GADL1: variants seen among roughly 807,000 people sequenced by gnomAD.
GADL1 encodes GAD like acidic amino acid decarboxylase 1.
A neutral mutation model predicts 69.5 loss-of-function variants in GADL1; 71 were observed. That is an observed-to-expected ratio of 1.02 (90% CI 0.84 to 1.25). The LOEUF (loss-of-function observed/expected upper bound fraction) is 1.25. GADL1 is among the 50% of genes most tolerant of loss of function. GADL1 has a pLI of 0.00. For missense variants in GADL1, 737 were observed against 631.8 expected (o/e 1.17, Z -1.79); for synonymous variants, 254 against 214.4 (o/e 1.18, Z -1.62).
chr3:30,886,490 C>T (rs1181691427), intron 1 of GADL1, among the ~76,000 whole-genome samples: 1 of 152,056 alleles, frequency 6.6e-6, no homozygotes, highest in East Asian at 1.9e-4. Context: ...CAAACTTGGG[C>T]TGGTGAGAAG....
Position 30,839,116 on chromosome 3 carries a change from G to A in GADL1, c.787-3C>T. The A allele has an allele frequency of 6.5e-7, 1 of 1,543,884 alleles. No homozygotes were observed. The highest frequency in any genetic ancestry group is 8.7e-7 in the Non-Finnish European group (1 of 1,144,006). Reference sequence around the variant, plus strand: ...CAGACAAGAAACGGTGCTGCCCCCTGTAAGAAGGATCCACACACACAAAAT... The same window carrying A: ...CAGACAAGAAACGGTGCTGCCCCCTATAAGAAGGATCCACACACACAAAAT... On this transcript the variant is annotated splice_polypyrimidine_tract_variant and splice_region_variant and intron_variant, in intron 8 of 14. Coordinates refer to ENST00000282538, the MANE Select transcript of GADL1 (RefSeq NM_207359.3).
At chr3:30,774,341 G>A (rs918118722) in intron 14 of GADL1, among the ~76,000 whole-genome samples, 2 of 152,066 alleles carry the variant, frequency 1.3e-5, no homozygotes, top group Non-Finnish European at 2.9e-5. Flanking sequence ...TTATTCAAGC[G>A]CAGAACCTAA....
At position 30,818,564 on chromosome 3, in the gene GADL1, TGAG is replaced by T. The variant is rs1382718645; in HGVS notation, c.1050+15286_1050+15288del. ...TTATTGTGAATTTCTCAAATGCTGC[TGAG>T]AAGAGTTGCCAGTTAAAATACAAAA... On this transcript the variant is annotated intron_variant, in intron 11 of 14. Transcript: ENST00000282538. Among the ~76,000 whole-genome samples, 7 of 152,178 alleles carry T rather than the reference TGAG, an allele frequency of 4.6e-5. No homozygotes were observed. The South Asian group carries it at 1.2e-3, about 27-fold the overall frequency.
At chr3:30,760,595 C>T (rs1039374381) in intron 14 of GADL1, among the ~76,000 whole-genome samples, 2 of 152,162 alleles carry the variant, frequency 1.3e-5, no homozygotes, top group Non-Finnish European at 2.9e-5. Flanking sequence ...CTGTTATCTT[C>T]CTCTCACCAT....
At chr3:30,823,726 T>C (rs1056761508) in intron 11 of GADL1, among the ~76,000 whole-genome samples, 2 of 151,964 alleles carry the variant, frequency 1.3e-5, no homozygotes, top group Non-Finnish European at 1.5e-5. Context: ...ACAGAAGAGA[T>C]GGTAAATCTA....
intron 11 of GADL1, among the ~76,000 whole-genome samples, chr3:30,830,881 G>A (rs1273326309): frequency 6.6e-6 from 1 of 151,860 alleles, no homozygotes; most frequent in African/African-American, 2.4e-5. Context: ...CTTCCTAAAT[G>A]GAATCATTCG....
Position 30,804,094 on chromosome 3 carries a change from T to C in GADL1, c.1051-3006A>G, listed in dbSNP as rs373662016. 1.1e-4 allele frequency among the ~76,000 whole-genome samples: 16 copies of C among 152,166 alleles called. No individual in the cohort carries two copies. The East Asian group carries it at 1.7e-3, about 16-fold the overall frequency. On this transcript the variant is annotated intron_variant, in intron 11 of 14. Transcript: ENST00000282538. ...GTATTAGGACTTGTACAGTGGCAAA[T>C]GAGGTTTAAGCAAAAGGAGGGAGTA...
At chr3:30,772,330 G>A (rs1208361172) in intron 14 of GADL1, among the ~76,000 whole-genome samples, 8 of 152,090 alleles carry the variant, frequency 5.3e-5, no homozygotes, top group African/African-American at 1.2e-4. Flanking sequence ...TTTTAAGAAC[G>A]TAAATTGTGT....
At chr3:30,814,081 T>A (rs567645699) in intron 11 of GADL1, among the ~76,000 whole-genome samples, 12 of 149,180 alleles carry the variant, frequency 8.0e-5, no homozygotes, top group Non-Finnish European at 1.5e-4. Context: ...AACAATGCAC[T>A]GCACACGTTT....
At chr3:30,734,413 G>C (rs981804864) in intron 14 of GADL1, among the ~76,000 whole-genome samples, 1 of 152,068 alleles carries the variant, frequency 6.6e-6, no homozygotes, top group African/African-American at 2.4e-5. Flanking sequence ...AATATGAACT[G>C]GATTTTCCTT....
chr3:30,865,378 C>T (rs1279225503), intron 1 of GADL1, among the ~76,000 whole-genome samples: 1 of 151,824 alleles, frequency 6.6e-6, no homozygotes, highest in Non-Finnish European at 1.5e-5. Flanking sequence ...CTGTCGGTTT[C>T]ACTGTTATTT....
intron 11 of GADL1, among the ~76,000 whole-genome samples, chr3:30,814,586 C>T (rs1697425509): frequency 6.6e-6 from 1 of 152,018 alleles, no homozygotes; most frequent in Non-Finnish European, 1.5e-5. Flanking sequence ...AGGTGACAGG[C>T]CAGGTTTAAC....
At chr3:30,857,701 G>A (rs1276505903) in intron 2 of GADL1, among the ~76,000 whole-genome samples, 1 of 151,894 alleles carries the variant, frequency 6.6e-6, no homozygotes, top group Non-Finnish European at 1.5e-5. Flanking sequence ...ATGGCTCCCT[G>A]TTTCTTTCAA....
chr3:30,858,630 G>T (rs754006951), intron 2 of GADL1, among the ~76,000 whole-genome samples: 1 of 151,944 alleles, frequency 6.6e-6, no homozygotes, highest in Non-Finnish European at 1.5e-5. Context: ...GCAGGAGAAG[G>T]ATCTGGTTGG....
chr3:30,761,397 C>T (rs979947527), intron 14 of GADL1, among the ~76,000 whole-genome samples: 1 of 151,994 alleles, frequency 6.6e-6, no homozygotes, highest in Non-Finnish European at 1.5e-5. Flanking sequence ...AACAAGTAGC[C>T]AAGTCTTCTT....
chr3:30,839,197 G>A, intron 8 of GADL1, 84 bp from the exon 9 acceptor site: 11 of 835,036 alleles, frequency 1.3e-5, no homozygotes, highest in Admixed American at 2.9e-5. Context: ...AAAGGGTTAT[G>A]CATCCAGAGA....
chr3:30,871,042 A>AGTGT (rs4016178), intron 1 of GADL1, among the ~76,000 whole-genome samples: 4,216 of 141,418 alleles, frequency 0.03, 106 homozygotes, highest in African/African-American at 0.057. Flanking sequence ...AAGGCAGAAA[A>AGTGT]GTGTGTGTGT....
intron 13 of GADL1, among the ~76,000 whole-genome samples, chr3:30,784,780 A>G (rs541927667): frequency 1.4e-4 from 22 of 152,318 alleles, no homozygotes; most frequent in Admixed American, 1.2e-3. Flanking sequence ...TTCTTAAAAC[A>G]TCTCCAGTGA....
intron 14 of GADL1, among the ~76,000 whole-genome samples, chr3:30,751,842 A>T (rs1695828004): frequency 6.6e-6 from 1 of 152,226 alleles, no homozygotes; most frequent in South Asian, 2.1e-4. Flanking sequence ...CTGACTAAAC[A>T]CAGAAGTAGG....
Sources: allele counts gnomAD v4.1 joint callset (sites outside exome capture counted in the v4.1 genomes callset), GRCh38; gene constraint gnomAD v4.1.1; transcripts MANE v1.5; gene names NCBI Gene and HGNC (gene_info 2026-07-23, HGNC 2026-07-21).